FAM219A: variants seen among roughly 807,000 people sequenced by gnomAD.
FAM219A encodes the protein protein FAM219A.
In FAM219A, 7 loss-of-function variants were observed where a neutral mutation model predicts 23.4. The observed-to-expected ratio is 0.30, with a 90% CI of 0.17 to 0.56. The LOEUF is 0.56. Among genes scored for constraint, FAM219A ranks in the 20% least tolerant of loss-of-function variants. The pLI is 0.92. For synonymous variants in FAM219A, 93 were observed against 99.0 expected (o/e 0.94, Z 0.36); for missense variants, 166 against 246.9 (o/e 0.67, Z 2.20).
chr9:34,442,447 GC>G (rs1823211350), intron 1 of FAM219A, among the ~76,000 whole-genome samples: 1 of 152,220 alleles, frequency 6.6e-6, no homozygotes, highest in African/African-American at 2.4e-5. Flanking sequence ...CACTTCGGGA[GC>G]CTGCGGCAGG....
intron 1 of FAM219A, among the ~76,000 whole-genome samples, chr9:34,409,800 G>A (rs1049176178): frequency 6.6e-6 from 1 of 152,200 alleles, no homozygotes; most frequent in African/African-American, 2.4e-5. Flanking sequence ...CCTTTAATAA[G>A]AGTAGATTCA....
chr9:34,421,009 T>TGAGAGAGAGA (rs143749316), intron 1 of FAM219A, among the ~76,000 whole-genome samples: 4,924 of 86,396 alleles, frequency 0.057, 203 homozygotes, highest in Non-Finnish European at 0.067. Flanking sequence ...TGTGTGTGTG[T>TGAGAGAGAGA]GAGAGAGAGA....
Position 34,424,708 on chromosome 9 carries a change from C to A in FAM219A, c.61-18744G>T, listed in dbSNP as rs1017825282. On this transcript the variant is annotated intron_variant, in intron 1 of 5. Transcript: ENST00000651358. ...ACACAGAGAGGAGCAGCCTGCGTTG[C>A]GATTTTCCCAGAACCCACAACACTT... Among the ~76,000 whole-genome samples, 6 of 152,306 alleles carry A rather than the reference C, an allele frequency of 3.9e-5. No individual in the cohort carries two copies. The East Asian group carries it at 1.2e-3, about 29-fold the overall frequency.
At chr9:34,434,784 C>T (rs1822841116) in intron 1 of FAM219A, among the ~76,000 whole-genome samples, 1 of 152,012 alleles carries the variant, frequency 6.6e-6, no homozygotes. Context: ...GAGTAAGAAA[C>T]AGGAAGGTAT....
Position 34,457,290 on chromosome 9 carries a change from G to T in FAM219A, c.60+914C>A, listed in dbSNP as rs754004350. On this transcript the variant is annotated intron_variant, in intron 1 of 5. Coordinates refer to ENST00000651358, the MANE Select transcript of FAM219A (RefSeq NM_001184940.2). This position sits in a 1 kb window ranked among gnomAD's most constrained non-coding sequence, Gnocchi z 5.1. ...TTGCCTGACAGACAAGCGAGGTCAG[G>T]GAGCCCCCTGGGCGGTGGCCAGCAA... The T allele has an allele frequency of 6.6e-6, 1 of 152,394 alleles. No homozygotes were observed. Among genetic ancestry groups the T allele is most frequent in the Non-Finnish European group, 1.5e-5 (1 of 68,160 alleles). The allele number at this position is 152,394 out of a possible 1,614,324, so 9.4% of individuals were successfully genotyped here. A position where few individuals can be genotyped will look rare whatever the true frequency, so the allele number is the denominator to read the frequency against.
chr9:34,439,417 C>T (rs982796887), intron 1 of FAM219A, among the ~76,000 whole-genome samples: 2 of 152,148 alleles, frequency 1.3e-5, no homozygotes, highest in African/African-American at 4.8e-5. Context: ...TGTGAAGGCA[C>T]AGGAGACAAA....
Position 34,421,044 on chromosome 9 carries a change from G to GAGAGAGAGAGAGAGAGAGAC in FAM219A, c.61-15081_61-15080insGTCTCTCTCTCTCTCTCTCT, listed in dbSNP as rs770336544. 3.0e-3 allele frequency among the ~76,000 whole-genome samples: 444 copies of GAGAGAGAGAGAGAGAGAGAC among 146,830 alleles called. 6 individuals carry two copies. Among genetic ancestry groups the GAGAGAGAGAGAGAGAGAGAC allele is most frequent in the African/African-American group, 0.011 (413 of 39,008 alleles). On this transcript the variant is annotated intron_variant, in intron 1 of 5. Transcript: ENST00000651358. The stretch of plus-strand genomic sequence containing the variant: ...AGAGAGAGAGAGAGAGAGAGAGAGA[G>GAGAGAGAGAGAGAGAGAGAC]AATGGCTCTGCTGAAACAAATTTTG...
intron 1 of FAM219A, among the ~76,000 whole-genome samples, chr9:34,425,538 T>C (rs1212541835): frequency 6.6e-6 from 1 of 152,220 alleles, no homozygotes; most frequent in Non-Finnish European, 1.5e-5. Flanking sequence ...GACTTAATTA[T>C]TAGTCTTCAG....
At chr9:34,402,271 A>G (rs1370666994) in intron 4 of FAM219A, 116 bp downstream of exon 4, 1 of 1,613,620 alleles carries the variant, frequency 6.2e-7, no homozygotes, top group East Asian at 2.2e-5. Context: ...CCTTGGAGAG[A>G]TTCTGGCTGA....
intron 1 of FAM219A, among the ~76,000 whole-genome samples, chr9:34,427,849 T>TC (rs1034965988): frequency 1.3e-5 from 2 of 151,940 alleles, no homozygotes; most frequent in African/African-American, 4.8e-5. Flanking sequence ...AAAGTAGGAG[T>TC]CCCCCAAACC....
chr9:34,421,172 C>G (rs974069748), intron 1 of FAM219A, among the ~76,000 whole-genome samples: 3 of 151,940 alleles, frequency 2.0e-5, no homozygotes, highest in Non-Finnish European at 4.4e-5. Context: ...GGGGGCCAGC[C>G]TGGGGTCAAG....
At chr9:34,430,566 G>A (rs1043844491) in intron 1 of FAM219A, among the ~76,000 whole-genome samples, 3 of 148,902 alleles carry the variant, frequency 2.0e-5, no homozygotes, top group Admixed American at 1.3e-4. Context: ...GAACCCAGGA[G>A]GTGGAGCTTG....
chr9:34,441,905 A>G (rs1156857724), intron 1 of FAM219A, among the ~76,000 whole-genome samples: 1 of 151,998 alleles, frequency 6.6e-6, no homozygotes, highest in Non-Finnish European at 1.5e-5. Context: ...TTATTTTTGT[A>G]TGGGGATGGG....
intron 1 of FAM219A, among the ~76,000 whole-genome samples, chr9:34,446,067 G>A (rs1823357814): frequency 1.3e-5 from 2 of 151,934 alleles, no homozygotes; most frequent in African/African-American, 4.8e-5. Context: ...CAGCTACTCG[G>A]AAGGCTGAGG....
chr9:34,445,680 TAGA>T (rs1245207818), intron 1 of FAM219A, among the ~76,000 whole-genome samples: 1 of 152,220 alleles, frequency 6.6e-6, no homozygotes, highest in Non-Finnish European at 1.5e-5. Context: ...AAGCCTGATG[TAGA>T]AGAACTTAAT....
chr9:34,431,120 C>G (rs1822682366), intron 1 of FAM219A, among the ~76,000 whole-genome samples: 1 of 152,236 alleles, frequency 6.6e-6, no homozygotes. Flanking sequence ...TCCAATCTCT[C>G]TCTATGGCTG....
At chr9:34,446,590 ATG>A (rs1394291996) in intron 1 of FAM219A, among the ~76,000 whole-genome samples, 1 of 152,214 alleles carries the variant, frequency 6.6e-6, no homozygotes, top group Non-Finnish European at 1.5e-5. Context: ...ACCATAGAGA[ATG>A]TGAGGTAAGA....
rs962996366 is a variant in FAM219A at position 34,417,950 on chromosome 9, A to G, written c.61-11986T>C. ...GGCAACTGGGCACTGTGCTTTAGCC[A>G]GTCCTCACCTGTGCCAGCATGTCAG... On this transcript the variant is annotated intron_variant, in intron 1 of 5. Transcript: ENST00000651358. The surrounding 1 kb of genome is among the most constrained non-coding windows in gnomAD (Gnocchi z 4.1). Among the ~76,000 whole-genome samples, 11 of 152,258 alleles carry G rather than the reference A, an allele frequency of 7.2e-5. No homozygotes were observed. Among genetic ancestry groups the G allele is most frequent in the African/African-American group, 2.7e-4 (11 of 41,480 alleles).
chr9:34,436,894 C>A (rs1244457238), intron 1 of FAM219A, among the ~76,000 whole-genome samples: 1 of 152,218 alleles, frequency 6.6e-6, no homozygotes. Context: ...ATATAGAACA[C>A]TTTGCAGCAT....
Sources: allele counts gnomAD v4.1 joint callset (sites outside exome capture counted in the v4.1 genomes callset), GRCh38; gene constraint gnomAD v4.1.1; non-coding constraint Gnocchi (gnomAD v3.1); transcripts MANE v1.5; gene names NCBI Gene and HGNC (gene_info 2026-07-23, HGNC 2026-07-21).